ABCG4: variants seen among roughly 807,000 people sequenced by gnomAD.
The protein encoded by ABCG4 is ATP binding cassette subfamily G member 4, also known as ATP-binding cassette sub-family G member 4.
A neutral mutation model predicts 64.6 loss-of-function variants in ABCG4; 35 were observed. The observed-to-expected ratio is 0.54, with a 90% CI of 0.41 to 0.72. ABCG4 has a LOEUF of 0.72. Among genes scored for constraint, ABCG4 ranks in the 30% least tolerant of loss-of-function variants. The probability of loss-of-function intolerance (pLI) is 0.00; values close to 1 mark genes in which losing one functional copy is unlikely to be tolerated. For missense variants in ABCG4, 610 were observed against 846.3 expected (o/e 0.72, Z 3.46); for synonymous variants, 326 against 348.2 (o/e 0.94, Z 0.71).
chr11:119,158,454 T>G lies in ABCG4; in HGVS notation c.1168-103T>G. The G allele has an allele frequency of 6.4e-7, 1 of 1,558,780 alleles. No homozygotes were observed. ...ACAGCCCTGCAATGTGCCTGTGGGG[T>G]CTCTGTGCCTGTGAGGGCAGCTCCG... On this transcript the variant is annotated intron_variant, in intron 10 of 14. Coordinates refer to ENST00000619701, the MANE Select transcript of ABCG4 (RefSeq NM_022169.5). The surrounding 1 kb of genome is among the most constrained non-coding windows in gnomAD (Gnocchi z 4.5).
At position 119,160,163 on chromosome 11, in the gene ABCG4, T is replaced by C; in HGVS notation, c.1438-64T>C. 6.5e-7 allele frequency: 1 copy of C among 1,543,410 alleles called. No homozygotes were observed. Among genetic ancestry groups the C allele is most frequent in the South Asian group, 1.2e-5 (1 of 84,414 alleles). ...TCTAGAGGCCCAGCCTTGGGTGGAGTGGAGGTCTTGGCTGCTGTGCCCCTG... is the reference window on the plus strand; with the variant it reads ...TCTAGAGGCCCAGCCTTGGGTGGAGCGGAGGTCTTGGCTGCTGTGCCCCTG... On this transcript the variant is annotated intron_variant, in intron 12 of 14. Coordinates refer to ENST00000619701, the MANE Select transcript of ABCG4 (RefSeq NM_022169.5). This position sits in a 1 kb window ranked among gnomAD's most constrained non-coding sequence, Gnocchi z 4.6.
At position 119,150,924 on chromosome 11, in the gene ABCG4, G is replaced by T. The variant is rs1452007222; in HGVS notation, c.238+721G>T. ...CTACCCTGAGCAGCTTTAGCTGCTA[G>T]TAGGGAAGCTGAGGCTGTTTCCCAG... is the stretch of plus-strand genomic sequence containing the variant. On this transcript the variant is annotated intron_variant, in intron 2 of 14. Coordinates refer to ENST00000619701, the MANE Select transcript of ABCG4 (RefSeq NM_022169.5). The surrounding 1 kb of genome is among the most constrained non-coding windows in gnomAD (Gnocchi z 4.3). 6.6e-6 allele frequency among the ~76,000 whole-genome samples: 1 copy of T among 152,236 alleles called. No individual in the cohort carries two copies. The highest frequency in any genetic ancestry group is 6.5e-5 in the Admixed American group (1 of 15,282).
chr11:119,153,328 C>T (rs1263274371), intron 2 of ABCG4: 1 of 153,616 alleles, frequency 6.5e-6, no homozygotes, highest in Non-Finnish European at 1.5e-5. Flanking sequence ...CATATGCTGC[C>T]TTCCAATGAA....
At chr11:119,153,785 A>G (rs1358007150) in intron 2 of ABCG4, 1 of 508,756 alleles carries the variant, frequency 2.0e-6, no homozygotes, top group Non-Finnish European at 3.6e-6. Context: ...GGATTTTCCC[A>G]CGCCTTTCAG....
Position 119,150,188 on chromosome 11 carries a change from T to C in ABCG4, c.223T>C (p.Cys75Arg). Residue 75 changes from cysteine to arginine, a missense_variant, in exon 2 of 15, where the codon TGC (cysteine) becomes CGC (arginine). Coordinates refer to ENST00000619701, the MANE Select transcript of ABCG4 (RefSeq NM_022169.5). This position sits in a 1 kb window ranked among gnomAD's most constrained non-coding sequence, Gnocchi z 4.3. ...GTCCTATTCCGTGCGGGAGGGGCCC[T>C]GCTGGCGCAAAAGGGGTAGGGAACA... ...ELSYSVREGP[C>R]WRKRGYKTLL... 1 of 1,613,708 alleles carries C rather than the reference T, an allele frequency of 6.2e-7. No homozygotes were observed. The highest frequency in any genetic ancestry group is 8.5e-7 in the Non-Finnish European group (1 of 1,179,710).
intron 9 of ABCG4, among the ~76,000 whole-genome samples, chr11:119,157,498 A>C (rs1948281203): frequency 6.6e-6 from 1 of 152,254 alleles, no homozygotes; most frequent in African/African-American, 2.4e-5. Context: ...GTAACCCCTG[A>C]AAACCAGATT....
chr11:119,158,231 C>A lies in ABCG4; in HGVS notation c.1069-3C>A. On this transcript the variant is annotated splice_region_variant and splice_polypyrimidine_tract_variant and intron_variant, in intron 9 of 14. Transcript: ENST00000619701. The surrounding 1 kb of genome is among the most constrained non-coding windows in gnomAD (Gnocchi z 4.5). The stretch of plus-strand genomic sequence containing the variant: ...TGATCCCGATCCAATTTCTTCTTCC[C>A]AGGAAGTGGATCCCATTGAAAGCCA... 6.3e-7 allele frequency: 1 copy of A among 1,575,862 alleles called. No individual in the cohort carries two copies. The highest frequency in any genetic ancestry group is 8.6e-7 in the Non-Finnish European group (1 of 1,156,808).
At chr11:119,159,984 C>A (rs1948322692) in intron 12 of ABCG4, among the ~76,000 whole-genome samples, 1 of 151,796 alleles carries the variant, frequency 6.6e-6, no homozygotes, top group Non-Finnish European at 1.5e-5. Context: ...AGGGAAGAGT[C>A]ACCGTGCCTG....
At chr11:119,159,858 C>T (rs997857941) in intron 12 of ABCG4, among the ~76,000 whole-genome samples, 4 of 151,848 alleles carry the variant, frequency 2.6e-5, no homozygotes, top group Non-Finnish European at 4.4e-5. Flanking sequence ...CAGACCCTGC[C>T]CCCTAGGAGT....
chr11:119,161,080 C>A lies in ABCG4; in HGVS notation c.1915C>A (p.Arg639Ser). 1 of 1,613,766 alleles carries A rather than the reference C, an allele frequency of 6.2e-7. No individual in the cohort carries two copies. Among genetic ancestry groups the A allele is most frequent in the South Asian group, 1.1e-5 (1 of 91,078 alleles). Residue 639 changes from arginine (R) to serine (S), a missense_variant, in exon 15 of 15, where the codon CGT becomes AGT. By Grantham distance (110) the Arg-to-Ser change is moderately radical (BLOSUM62 -1). Transcript: ENST00000619701. ...GCGGCTGCTGGCCTACCTTGTGCTG[C>A]GTTACCGGGTCAAGTCAGAGAGATA... ...ALRLLAYLVL[R>S]YRVKSER
At position 119,157,005 on chromosome 11, in the gene ABCG4, T is replaced by C; in HGVS notation, c.1059T>C (p.Pro353=). 1 of 1,607,356 alleles carries C rather than the reference T, an allele frequency of 6.2e-7. No individual in the cohort carries two copies. ...EKNEVPAPCP[P]CPPEVDPIES... ...ACGAGGTCCCTGCCCCATGCCCTCCTTGTCCTCCGGTGAGTAGGGGTGGAG... is the reference window on the plus strand; with the variant it reads ...ACGAGGTCCCTGCCCCATGCCCTCCCTGTCCTCCGGTGAGTAGGGGTGGAG... Residue 353 remains proline, a synonymous_variant, in exon 9 of 15, where the codon CCT becomes CCC. Coordinates refer to ENST00000619701, the MANE Select transcript of ABCG4 (RefSeq NM_022169.5).
At chr11:119,159,017 T>C (rs1307772693) in intron 12 of ABCG4, 88 bp downstream of exon 12, 1 of 1,292,312 alleles carries the variant, frequency 7.7e-7, no homozygotes, top group Non-Finnish European at 1.1e-6. Context: ...AACTTGTCAC[T>C]TTCCTTCCTT....
Position 119,150,069 on chromosome 11 carries a change from C to A in ABCG4, c.104C>A (p.Thr35Lys). ...EDGAEPPVLT[T>K]HLKKVENHIT... ...GGGGCGGAACCCCCTGTGCTGACCA[C>A]GCACCTGAAGAAGGTGGAGAACCAC... The change falls in exon 2 of 15, where the codon ACG becomes AAG. Residue 35 changes from threonine (T) to lysine (K), a missense_variant. By Grantham distance (78) the Thr-to-Lys change is moderately conservative. Transcript: ENST00000619701. This position sits in a 1 kb window ranked among gnomAD's most constrained non-coding sequence, Gnocchi z 4.3. 1 of 1,614,090 alleles carries A rather than the reference C, an allele frequency of 6.2e-7. No homozygotes were observed. The highest frequency in any genetic ancestry group is 1.7e-5 in the Admixed American group (1 of 60,026).
intron 2 of ABCG4, chr11:119,153,395 A>G (rs1948216898): frequency 6.5e-6 from 1 of 152,788 alleles, no homozygotes; most frequent in Non-Finnish European, 1.5e-5. Context: ...CAAGCCTGGT[A>G]GGCAGAGAGA....
At position 119,154,719 on chromosome 11, in the gene ABCG4, G is replaced by T; in HGVS notation, c.541-51G>T. ...GCTTTTTGAAGCTGGGGTGGTGCCT[G>T]GGGGAAGCAGAGACTCCGAAGCTGA... On this transcript the variant is annotated intron_variant, in intron 5 of 14. Coordinates refer to ENST00000619701, the MANE Select transcript of ABCG4 (RefSeq NM_022169.5). This position sits in a 1 kb window ranked among gnomAD's most constrained non-coding sequence, Gnocchi z 7.0. The T allele has an allele frequency of 6.3e-7, 1 of 1,591,736 alleles. No homozygotes were observed.
Position 119,156,753 on chromosome 11 carries a change from G to T in ABCG4, c.925+75G>T. ...CTGGGGTCTCTGGTCTTGCACTCAG[G>T]CCTCCTAGGGGTAGAGATCTCACCG... On this transcript the variant is annotated intron_variant, in intron 8 of 14. Transcript: ENST00000619701. This position sits in a 1 kb window ranked among gnomAD's most constrained non-coding sequence, Gnocchi z 5.5. 2 of 1,593,836 alleles carry T rather than the reference G, an allele frequency of 1.3e-6. No individual in the cohort carries two copies. Among genetic ancestry groups the T allele is most frequent in the South Asian group, 1.1e-5 (1 of 90,480 alleles).
rs1948337888 is a variant in ABCG4, at chr11:119,160,725, G to T, written c.1715+69G>T. On this transcript the variant is annotated intron_variant, in intron 14 of 14. Transcript: ENST00000619701. The surrounding 1 kb of genome is among the most constrained non-coding windows in gnomAD (Gnocchi z 4.6). ...AGGAGTCCATACCCAGGGCTTCCTG[G>T]GTTGTGCCAAGTCTGCTGCCTGCCC... 2 of 1,536,898 alleles carry T rather than the reference G, an allele frequency of 1.3e-6. No homozygotes were observed. The highest frequency in any genetic ancestry group is 1.1e-5 in the South Asian group (1 of 89,114).
In ABCG4 at chr11:119,155,204, C is replaced by T. The variant is rs147905942; in HGVS notation, c.686+289C>T. ...GATTCTGCCTCCTTTTGATATCTCT[C>T]AGATTTGCCCTGCCCCATCTCTAAT... is the stretch of plus-strand genomic sequence containing the variant. On this transcript the variant is annotated intron_variant, in intron 6 of 14. Coordinates refer to ENST00000619701, the MANE Select transcript of ABCG4 (RefSeq NM_022169.5). This position sits in a 1 kb window ranked among gnomAD's most constrained non-coding sequence, Gnocchi z 4.5. 6.6e-6 allele frequency among the ~76,000 whole-genome samples: 1 copy of T among 152,334 alleles called. No individual in the cohort carries two copies. Among genetic ancestry groups the T allele is most frequent in the African/African-American group, 2.4e-5 (1 of 41,582 alleles).
In ABCG4 at chr11:119,160,384, A is replaced by G. The variant is rs1948332621; in HGVS notation, c.1595A>G (p.Gln532Arg). 2 of 1,607,052 alleles carry G rather than the reference A, an allele frequency of 1.2e-6. No homozygotes were observed. The highest frequency in any genetic ancestry group is 1.7e-6 in the Non-Finnish European group (2 of 1,174,390). ...ATCGGAGCTGCTTCCAACTCCCTAC[A>G]GGTGGGAGGGCTGGCAGTTGGGAAT... ...LLIGAASNSL[Q>R]VATFVGPVTA... The change falls in exon 13 of 15, where the codon CAG becomes CGG. Residue 532 changes from glutamine (Q) to arginine (R), a missense_variant and splice_region_variant. Transcript: ENST00000619701. The surrounding 1 kb of genome is among the most constrained non-coding windows in gnomAD (Gnocchi z 4.6).
Sources: allele counts gnomAD v4.1 joint callset (sites outside exome capture counted in the v4.1 genomes callset), GRCh38; gene constraint gnomAD v4.1.1; non-coding constraint Gnocchi (gnomAD v3.1); transcripts MANE v1.5; gene names NCBI Gene and HGNC (gene_info 2026-07-23, HGNC 2026-07-21).